SYNPR: variants seen among roughly 807,000 people sequenced by gnomAD.
SYNPR encodes the protein synaptoporin.
Under a neutral mutation model 32.9 loss-of-function variants are expected in SYNPR, and 23 were observed. The observed-to-expected ratio is 0.70, with a 90% CI of 0.50 to 0.99. The LOEUF is 0.99. Ranked by LOEUF, SYNPR falls within the 50% of genes least tolerant of loss-of-function variation. The pLI is 0.00. For synonymous variants in SYNPR, 146 were observed against 135.9 expected, an observed-to-expected ratio of 1.07 and a Z score of -0.52; for missense variants, 318 against 349.3, an observed-to-expected ratio of 0.91 and a Z score of 0.71.
chr3:63,259,865 C>T (rs2086421828), intron 2 of SYNPR, among the ~76,000 whole-genome samples: 1 of 152,180 alleles, frequency 6.6e-6, no homozygotes, highest in South Asian at 2.1e-4. Context: ...TGATAGACAA[C>T]TTCAGCAAAG....
chr3:63,220,021 T>C, the SYNPR span, among the ~76,000 whole-genome samples: 25 of 152,380 alleles, frequency 1.6e-4, no homozygotes, highest in East Asian at 2.5e-3. Flanking sequence ...GTGGCCACAA[T>C]TGAAGCTCTT....
intron 2 of SYNPR, among the ~76,000 whole-genome samples, chr3:63,460,744 G>T (rs964740589): frequency 2.0e-5 from 3 of 152,080 alleles, no homozygotes; most frequent in Non-Finnish European, 2.9e-5. Flanking sequence ...GCAGGCAATG[G>T]AGGACAACTG....
At chr3:63,452,318 T>C (rs1184294604) in intron 2 of SYNPR, among the ~76,000 whole-genome samples, 1 of 152,154 alleles carries the variant, frequency 6.6e-6, no homozygotes, top group South Asian at 2.1e-4. Flanking sequence ...AGTGATTTAA[T>C]TATCATTATA....
In SYNPR at chr3:63,554,762, A is replaced by T. The variant is rs1702566043; in HGVS notation, c.210-1781A>T. On this transcript the variant is annotated intron_variant, in intron 3 of 5. Coordinates refer to ENST00000478300, the MANE Select transcript of SYNPR (RefSeq NM_001130003.2). ...TAATTCTGTGAAGAATGACATTGGTAGTTTGATAGGAATAGAATTTAATCT... is the reference window on the plus strand; with the variant it reads ...TAATTCTGTGAAGAATGACATTGGTTGTTTGATAGGAATAGAATTTAATCT... Among the ~76,000 whole-genome samples, 2 of 151,854 alleles carry T rather than the reference A, an allele frequency of 1.3e-5. 1 individual carries two copies. Among genetic ancestry groups the T allele is most frequent in the South Asian group, 4.2e-4 (2 of 4,816 alleles).
chr3:63,392,716 A>T, intron 2 of SYNPR, among the ~76,000 whole-genome samples: 1 of 152,220 alleles, frequency 6.6e-6, no homozygotes, highest in African/African-American at 2.4e-5. Flanking sequence ...GTAATGAGCT[A>T]GGCCTCCATT....
intron 2 of SYNPR, among the ~76,000 whole-genome samples, chr3:63,347,402 G>C (rs1034526098): frequency 6.6e-6 from 1 of 152,128 alleles, no homozygotes; most frequent in African/African-American, 2.4e-5. Context: ...ATAAAAACCT[G>C]TTTATTCTTT....
intron 2 of SYNPR, among the ~76,000 whole-genome samples, chr3:63,460,955 A>G (rs1700573341): frequency 6.6e-6 from 1 of 152,118 alleles, no homozygotes; most frequent in African/African-American, 2.4e-5. Context: ...CACAGATATA[A>G]TCAATATTAT....
rs1700001981 is a variant in SYNPR, at chr3:63,431,820, CAT to C, written c.85-49010_85-49009del. ...CTTGGAGTCCTCATTAAAAAAAAGT[CAT>C]AGTTTCCCTTTTCTTTTTTTTTTTT... On this transcript the variant is annotated intron_variant, in intron 2 of 5. Coordinates refer to ENST00000478300, the MANE Select transcript of SYNPR (RefSeq NM_001130003.2). 1.4e-5 allele frequency among the ~76,000 whole-genome samples: 2 copies of C among 144,328 alleles called. 1 individual carries two copies. Among genetic ancestry groups the C allele is most frequent in the South Asian group, 4.4e-4 (2 of 4,566 alleles). 94.7% of individuals were successfully genotyped at this position (144,328 alleles called of 152,430 possible). A position where few individuals can be genotyped will look rare whatever the true frequency, so the allele number is the denominator to read the frequency against.
At chr3:63,596,659 A>G (rs1699964892) in intron 4 of SYNPR, among the ~76,000 whole-genome samples, 1 of 152,232 alleles carries the variant, frequency 6.6e-6, no homozygotes, top group African/African-American at 2.4e-5. Context: ...AAACCCAACT[A>G]TGGGACTCTA....
chr3:63,572,541 A>C (rs547003046), intron 4 of SYNPR, among the ~76,000 whole-genome samples: 1 of 152,104 alleles, frequency 6.6e-6, no homozygotes, highest in African/African-American at 2.4e-5. Flanking sequence ...TTCCCTTCCC[A>C]AAGCTCTTGA....
intron 3 of SYNPR, among the ~76,000 whole-genome samples, chr3:63,551,080 A>C (rs1702492800): frequency 6.6e-6 from 1 of 152,128 alleles, no homozygotes; most frequent in South Asian, 2.1e-4. Context: ...CAATTCTCCC[A>C]TCCTCCACCC....
chr3:63,476,412 GAGA>G (rs1335921990), intron 2 of SYNPR, among the ~76,000 whole-genome samples: 1 of 151,712 alleles, frequency 6.6e-6, no homozygotes, highest in Non-Finnish European at 1.5e-5. Flanking sequence ...GAGGGAGGGA[GAGA>G]AGAAGGAAGG....
chr3:63,377,318 G>A (rs2087907242), intron 2 of SYNPR, among the ~76,000 whole-genome samples: 1 of 152,046 alleles, frequency 6.6e-6, no homozygotes, highest in Admixed American at 6.6e-5. Context: ...GGCTCTTGAG[G>A]CTTAAATAGA....
At chr3:63,332,182 A>G (rs1352963379) in intron 2 of SYNPR, among the ~76,000 whole-genome samples, 3 of 152,178 alleles carry the variant, frequency 2.0e-5, no homozygotes, top group East Asian at 3.9e-4. Flanking sequence ...TGCCTCAGAA[A>G]CTTCAGGCTG....
intron 3 of SYNPR, among the ~76,000 whole-genome samples, chr3:63,555,667 C>G (rs1702583552): frequency 1.3e-5 from 2 of 152,160 alleles, no homozygotes; most frequent in South Asian, 4.1e-4. Flanking sequence ...AAATTATGAT[C>G]TATCAGTCAT....
chr3:63,346,707 G>T (rs925202736), intron 2 of SYNPR, among the ~76,000 whole-genome samples: 1 of 152,032 alleles, frequency 6.6e-6, no homozygotes, highest in Non-Finnish European at 1.5e-5. Flanking sequence ...TCCTGACCTC[G>T]TGATCCACCC....
intron 2 of SYNPR, among the ~76,000 whole-genome samples, chr3:63,456,813 T>C (rs1439245483): frequency 6.6e-6 from 1 of 152,080 alleles, no homozygotes. Flanking sequence ...TAGTTTCTCA[T>C]TGTTTTTTGT....
At chr3:63,356,470 G>T (rs1348148280) in intron 2 of SYNPR, among the ~76,000 whole-genome samples, 1 of 152,180 alleles carries the variant, frequency 6.6e-6, no homozygotes, top group Non-Finnish European at 1.5e-5. Flanking sequence ...ACCCTATTAA[G>T]ATTCTGTTGT....
chr3:63,442,189 A>G lies in SYNPR; in HGVS notation c.85-38643A>G, dbSNP rs1049617852. ...AGTGTGTGTGTGTGTGTGTGTGTGCACGCATGAAAGAGAGAGAGAGAAGGA... is the reference window on the plus strand; with the variant it reads ...AGTGTGTGTGTGTGTGTGTGTGTGCGCGCATGAAAGAGAGAGAGAGAAGGA... On this transcript the variant is annotated intron_variant, in intron 2 of 5. Coordinates refer to ENST00000478300, the MANE Select transcript of SYNPR (RefSeq NM_001130003.2). Among the ~76,000 whole-genome samples the G allele has an allele frequency of 2.0e-4, 22 of 112,306 alleles. No individual in the cohort carries two copies. The East Asian group carries it at 5.2e-3, about 27-fold the overall frequency. 73.7% of individuals were successfully genotyped at this position (112,306 alleles called of 152,430 possible).
Sources: allele counts gnomAD v4.1 joint callset (sites outside exome capture counted in the v4.1 genomes callset), GRCh38; gene constraint gnomAD v4.1.1; transcripts MANE v1.5; gene names NCBI Gene and HGNC (gene_info 2026-07-23, HGNC 2026-07-21).